TMEM132E: variants seen among roughly 807,000 people sequenced by gnomAD.
TMEM132E encodes the protein transmembrane protein 132E.
A neutral mutation model predicts 78.5 loss-of-function variants in TMEM132E; 49 were observed. The ratio of observed to expected loss-of-function variants is 0.62; its 90% confidence interval spans 0.50 to 0.79. TMEM132E has a LOEUF of 0.79. Ranked by LOEUF, TMEM132E falls within the 30% of genes least tolerant of loss-of-function variation. TMEM132E has a pLI of 0.00. For missense variants in TMEM132E, 1,403 were observed against 1,470.9 expected (o/e 0.95, Z 0.75); for synonymous variants, 715 against 670.6 (o/e 1.07, Z -1.02).
chr17:34,637,698 C>T lies in TMEM132E; in HGVS notation c.2691C>T (p.Val897=), dbSNP rs148850158. ...LEIGMYALLG[V]FCLAILVFLI... is the part of the protein sequence containing the mutation. ...TCGGCATGTACGCGCTGCTGGGCGT[C>T]TTCTGCCTCGCCATCCTCGTCTTCC... Residue 897 remains valine, a synonymous_variant, in exon 9 of 9, where the codon GTC becomes GTT. Coordinates refer to ENST00000631683, the MANE Select transcript of TMEM132E (RefSeq NM_001304438.2). 5.6e-6 allele frequency: 9 copies of T among 1,612,296 alleles called. No homozygotes were observed. In the African/African-American group the frequency reaches 6.7e-5, roughly 12 times the overall value.
chr17:34,596,993 C>T (rs1236061960), intron 1 of TMEM132E, among the ~76,000 whole-genome samples: 1 of 152,108 alleles, frequency 6.6e-6, no homozygotes, highest in Non-Finnish European at 1.5e-5. Context: ...ACACGCAGCC[C>T]CTCTGCTCCA....
intron 1 of TMEM132E, among the ~76,000 whole-genome samples, chr17:34,609,677 A>T (rs1906526049): frequency 6.6e-6 from 1 of 152,178 alleles, no homozygotes; most frequent in Non-Finnish European, 1.5e-5. Context: ...AAGGCTCCCT[A>T]TTGCTCATGC....
chr17:34,624,592 G>A (rs1395725917), intron 1 of TMEM132E, among the ~76,000 whole-genome samples: 1 of 152,210 alleles, frequency 6.6e-6, no homozygotes, highest in African/African-American at 2.4e-5. Context: ...CTAATGCAGA[G>A]GGTGCAGCAT....
chr17:34,608,717 G>A lies in TMEM132E; in HGVS notation c.68-17410G>A, dbSNP rs187771766. Among the ~76,000 whole-genome samples, 526 of 152,306 alleles carry A rather than the reference G, an allele frequency of 3.5e-3. 4 individuals are homozygous for A. The highest frequency in any genetic ancestry group is 0.011 in the African/African-American group (441 of 41,566). Reference sequence around the variant, plus strand: ...AGGGGCTTGGCAGCAAGACGCAGCCGTGGACCATTCAAACCACATAAGACC... The same window carrying A: ...AGGGGCTTGGCAGCAAGACGCAGCCATGGACCATTCAAACCACATAAGACC... On this transcript the variant is annotated intron_variant, in intron 1 of 8. Coordinates refer to ENST00000631683, the MANE Select transcript of TMEM132E (RefSeq NM_001304438.2).
intron 1 of TMEM132E, among the ~76,000 whole-genome samples, chr17:34,611,579 G>A (rs1235251304): frequency 6.6e-6 from 1 of 152,182 alleles, no homozygotes; most frequent in Non-Finnish European, 1.5e-5. Context: ...GCTTGGAGGG[G>A]TGGTTAGAAC....
chr17:34,621,756 AG>A (rs778570610), intron 1 of TMEM132E, among the ~76,000 whole-genome samples: 6 of 152,150 alleles, frequency 3.9e-5, no homozygotes, highest in Admixed American at 1.3e-4. Context: ...GTTCAGAACC[AG>A]GCCCACGGAA....
Position 34,626,217 on chromosome 17 carries a change from G to A in TMEM132E, c.158G>A (p.Arg53Gln), listed in dbSNP as rs774649666. 4 of 1,581,436 alleles carry A rather than the reference G, an allele frequency of 2.5e-6. No individual in the cohort carries two copies. Among genetic ancestry groups the A allele is most frequent in the Admixed American group, 1.8e-5 (1 of 55,618 alleles). Residue 53 changes from arginine (R) to glutamine (Q), a missense_variant, in exon 2 of 9, where the codon CGG becomes CAG. Physicochemically the swap from Arg to Gln is conservative, Grantham distance 43 (BLOSUM62 1). Around this residue, in one of 3 missense-constraint regions of TMEM132E, gnomAD observed 511 missense variants for 499.0 expected, o/e 1.02. Coordinates refer to ENST00000631683, the MANE Select transcript of TMEM132E (RefSeq NM_001304438.2). ...GTCAGCTACCGCCTGTCGCACACGC[G>A]GCTGGCCTTCTTCCTGCGGGAGGCG... ...LPVSYRLSHT[R>Q]LAFFLREARP...
At chr17:34,593,890 C>T (rs1300309692) in intron 1 of TMEM132E, among the ~76,000 whole-genome samples, 1 of 152,246 alleles carries the variant, frequency 6.6e-6, no homozygotes, top group African/African-American at 2.4e-5. Context: ...CCAATCTTCC[C>T]CTTCACCTGC....
chr17:34,610,905 A>C (rs1026307478), intron 1 of TMEM132E, among the ~76,000 whole-genome samples: 1 of 152,250 alleles, frequency 6.6e-6, no homozygotes, highest in African/African-American at 2.4e-5. Context: ...GGATGTTCTC[A>C]GAACTGTCAT....
chr17:34,637,341 G>A lies in TMEM132E; in HGVS notation c.2334G>A (p.Gly778=), dbSNP rs1430874323. The A allele has an allele frequency of 6.2e-7, 1 of 1,613,916 alleles. No individual in the cohort carries two copies. Among genetic ancestry groups the A allele is most frequent in the Non-Finnish European group, 8.5e-7 (1 of 1,180,060 alleles). ...AFPLVVAEAE[G]SGELLRAELT... is the part of the protein sequence containing the mutation. ...CTCTGGTAGTGGCTGAGGCCGAGGGGTCAGGGGAGCTGCTTCGCGCAGAGC... is the reference window on the plus strand; with the variant it reads ...CTCTGGTAGTGGCTGAGGCCGAGGGATCAGGGGAGCTGCTTCGCGCAGAGC... The change falls in exon 9 of 9, where the codon GGG becomes GGA. Residue 778 remains glycine, a synonymous_variant. Transcript: ENST00000631683.
At chr17:34,615,675 A>C (rs952237362) in intron 1 of TMEM132E, among the ~76,000 whole-genome samples, 5 of 151,846 alleles carry the variant, frequency 3.3e-5, no homozygotes, top group Admixed American at 2.6e-4. Context: ...TTAAAAAAAA[A>C]CAGCAGGGTC....
intron 1 of TMEM132E, among the ~76,000 whole-genome samples, chr17:34,597,900 T>C (rs376353544): frequency 7.2e-5 from 11 of 152,270 alleles, no homozygotes; most frequent in African/African-American, 2.6e-4. Context: ...GCTCAGCCCC[T>C]AAAGTGATGG....
rs749508271 is a variant in TMEM132E at position 34,638,263 on chromosome 17, C to G, written c.*31C>G. 1.4e-6 allele frequency: 2 copies of G among 1,473,878 alleles called. No individual in the cohort carries two copies. Among genetic ancestry groups the G allele is most frequent in the Non-Finnish European group, 1.8e-6 (2 of 1,113,462 alleles). 91.3% of individuals were successfully genotyped at this position (1,473,878 alleles called of 1,614,324 possible). On this transcript the variant is annotated 3_prime_UTR_variant, in exon 9 of 9. Coordinates refer to ENST00000631683, the MANE Select transcript of TMEM132E (RefSeq NM_001304438.2). The stretch of plus-strand genomic sequence containing the variant: ...CCAGCCGGAGTAGCAGGGACCCCCC[C>G]CCCCAACGGGGTCAGCTCGGGGTAG...
At chr17:34,622,636 A>G (rs1282249225) in intron 1 of TMEM132E, among the ~76,000 whole-genome samples, 2 of 152,152 alleles carry the variant, frequency 1.3e-5, no homozygotes, top group African/African-American at 4.8e-5. Flanking sequence ...TGGATGCCCC[A>G]TTGACAAGGA....
intron 1 of TMEM132E, among the ~76,000 whole-genome samples, chr17:34,603,768 G>C (rs1906317949): frequency 6.6e-6 from 1 of 152,168 alleles, no homozygotes; most frequent in Admixed American, 6.5e-5. Context: ...CACCCTCAGT[G>C]ATATGCCCTT....
chr17:34,624,892 C>A (rs375579299), intron 1 of TMEM132E, among the ~76,000 whole-genome samples: 1 of 152,278 alleles, frequency 6.6e-6, no homozygotes, highest in African/African-American at 2.4e-5. Context: ...CAGCCTCCTG[C>A]GAGACCAGCA....
Position 34,626,883 on chromosome 17 carries a change from G to T in TMEM132E, c.824G>T (p.Ser275Ile). 1 of 1,611,660 alleles carries T rather than the reference G, an allele frequency of 6.2e-7. No individual in the cohort carries two copies. Residue 275 changes from serine (S) to isoleucine (I), a missense_variant, in exon 2 of 9, where the codon AGC becomes ATC. Ser to Ile is a moderately radical substitution (Grantham distance 142). This residue lies in a region of TMEM132E where 511 missense variants were observed against 499.0 expected (regional missense o/e 1.02). Coordinates refer to ENST00000631683, the MANE Select transcript of TMEM132E (RefSeq NM_001304438.2). ...CCCCTGCTGCGCATCGGGAGCATCA[G>T]CCTGTTCCGCCCGCCCCCCAGGAGG... ...QHPLLRIGSI[S>I]LFRPPPRRTL...
Position 34,629,028 on chromosome 17 carries a change from T to A in TMEM132E, c.1162T>A (p.Leu388Met). Residue 388 changes from leucine (L) to methionine (M), a missense_variant, in exon 4 of 9, where the codon TTG (leucine) becomes ATG (methionine). Transcript: ENST00000631683. Reference sequence around the variant, plus strand: ...CCCTGGCAGGGAGGGCCAGGGCCCCTTGGAGATCTTGCAGCTGGACTTTGA... The same window carrying A: ...CCCTGGCAGGGAGGGCCAGGGCCCCATGGAGATCTTGCAGCTGGACTTTGA... ...PLPPREGQGP[L>M]EILQLDFEME... is the part of the protein sequence containing the mutation. 6.4e-7 allele frequency: 1 copy of A among 1,573,138 alleles called. No homozygotes were observed. The highest frequency in any genetic ancestry group is 8.6e-7 in the Non-Finnish European group (1 of 1,156,202).
chr17:34,588,887 G>A (rs924586747), intron 1 of TMEM132E, among the ~76,000 whole-genome samples: 1 of 152,244 alleles, frequency 6.6e-6, no homozygotes, highest in South Asian at 2.1e-4. Flanking sequence ...CCGAGTAGCT[G>A]AGACTGCAGG....
Sources: allele counts gnomAD v4.1 joint callset (sites outside exome capture counted in the v4.1 genomes callset), GRCh38; gene constraint gnomAD v4.1.1; regional missense constraint gnomAD v4.1.1; transcripts MANE v1.5; gene names NCBI Gene and HGNC (gene_info 2026-07-23, HGNC 2026-07-21).